DZIP3: variants seen among roughly 807,000 people sequenced by gnomAD.
DZIP3 encodes the protein E3 ubiquitin-protein ligase DZIP3.
In DZIP3, 118 loss-of-function variants were observed where a neutral mutation model predicts 162.0. The ratio of observed to expected loss-of-function variants is 0.73; its 90% CI spans 0.63 to 0.85. The LOEUF is 0.85. Ranked by LOEUF, DZIP3 falls within the 40% of genes least tolerant of loss-of-function variation. The pLI is 0.00. For synonymous variants in DZIP3, 438 were observed against 458.6 expected (o/e 0.96, Z 0.57); for missense variants, 1,331 against 1,407.0 (o/e 0.95, Z 0.86).
At chr3:108,672,899 G>C (rs549858337) in intron 23 of DZIP3, among the ~76,000 whole-genome samples, 211 of 152,034 alleles carry the variant, frequency 1.4e-3, no homozygotes, top group African/African-American at 4.8e-3. Flanking sequence ...AAATTGGTCT[G>C]TTACAGTATG....
chr3:108,592,558 G>A (rs1939483133), intron 1 of DZIP3, among the ~76,000 whole-genome samples: 1 of 151,786 alleles, frequency 6.6e-6, no homozygotes, highest in Non-Finnish European at 1.5e-5. Context: ...AGATGGGTGT[G>A]GGTGGTGCAT....
At chr3:108,637,383 T>G (rs1231967528) in intron 11 of DZIP3, 113 bp from the exon 12 acceptor site, 1 of 944,760 alleles carries the variant, frequency 1.1e-6, no homozygotes, top group Non-Finnish European at 1.6e-6. Context: ...TTGTTTTATA[T>G]TCACTGTGGC....
At chr3:108,649,562 C>G (rs1322895119) in intron 17 of DZIP3, among the ~76,000 whole-genome samples, 2 of 151,602 alleles carry the variant, frequency 1.3e-5, no homozygotes, top group Non-Finnish European at 3.0e-5. Context: ...TATAGCTAAC[C>G]ACCATGTTAT....
At chr3:108,652,114 CATCA>C (rs1423099405) in intron 18 of DZIP3, among the ~76,000 whole-genome samples, 3 of 151,506 alleles carry the variant, frequency 2.0e-5, no homozygotes, top group Non-Finnish European at 4.4e-5. Context: ...GAAACAATGT[CATCA>C]ATCACTTTGC....
intron 7 of DZIP3, among the ~76,000 whole-genome samples, chr3:108,627,980 G>T (rs1176129679): frequency 6.6e-6 from 1 of 152,126 alleles, no homozygotes; most frequent in Admixed American, 6.5e-5. Flanking sequence ...CCTGGTTCAA[G>T]GGATTCTCCT....
Position 108,648,964 on chromosome 3 carries a change from TA to T in DZIP3, c.2007+4del. On this transcript the variant is annotated splice_donor_region_variant and intron_variant, in intron 17 of 32. Coordinates refer to ENST00000361582, the MANE Select transcript of DZIP3 (RefSeq NM_014648.4). ...AAGAAGAAGACTAAGAATAAAAAGG[TA>T]AGAGACTATAATAGCATTATAATAC... The T allele has an allele frequency of 8.7e-7, 1 of 1,154,418 alleles. No homozygotes were observed. 71.5% of individuals were successfully genotyped at this position (1,154,418 alleles called of 1,614,324 possible).
At chr3:108,686,734 A>G (rs1440314942) in intron 28 of DZIP3, 150 bp downstream of exon 28, 1 of 935,598 alleles carries the variant, frequency 1.1e-6, no homozygotes, top group Non-Finnish European at 1.5e-6. Flanking sequence ...GGAAAAAGAA[A>G]TTTACCAAGA....
At chr3:108,641,506 T>C (rs1031497595) in intron 12 of DZIP3, among the ~76,000 whole-genome samples, 2 of 152,202 alleles carry the variant, frequency 1.3e-5, no homozygotes, top group African/African-American at 4.8e-5. Flanking sequence ...TGAACACTCT[T>C]GTACATGTCG....
intron 1 of DZIP3, among the ~76,000 whole-genome samples, chr3:108,601,942 C>A (rs1940042498): frequency 6.6e-6 from 1 of 152,120 alleles, no homozygotes; most frequent in Non-Finnish European, 1.5e-5. Flanking sequence ...TAGTTTTAGT[C>A]AGTCAGGGAG....
At position 108,684,406 on chromosome 3, in the gene DZIP3, AT is replaced by A. The variant is rs1185476474; in HGVS notation, c.3009+66del. 4.7e-5 allele frequency: 72 copies of A among 1,544,318 alleles called. No individual in the cohort carries two copies. The African/African-American group carries it at 8.8e-4, about 19-fold the overall frequency. The stretch of plus-strand genomic sequence containing the variant: ...TTTATTACTCTAGTGGGCTTCCTGA[AT>A]GAGTATCTTCATTTTGTTCATTCAT... On this transcript the variant is annotated intron_variant, in intron 27 of 32. Coordinates refer to ENST00000361582, the MANE Select transcript of DZIP3 (RefSeq NM_014648.4).
chr3:108,657,402 A>G (rs903913448), intron 19 of DZIP3, among the ~76,000 whole-genome samples: 1 of 152,206 alleles, frequency 6.6e-6, no homozygotes, highest in African/African-American at 2.4e-5. Context: ...TTCATAAGTA[A>G]AGGAGAAATA....
At chr3:108,643,519 A>T (rs992235036) in intron 13 of DZIP3, among the ~76,000 whole-genome samples, 1 of 151,332 alleles carries the variant, frequency 6.6e-6, no homozygotes. Context: ...TTTCAGGTGG[A>T]TGCTTGATGC....
intron 19 of DZIP3, among the ~76,000 whole-genome samples, chr3:108,657,440 A>G (rs1943185402): frequency 6.6e-6 from 1 of 152,212 alleles, no homozygotes; most frequent in South Asian, 2.1e-4. Context: ...GCAAATGCTG[A>G]GAGATTTTTG....
chr3:108,624,317 GATA>G (rs1449860321), intron 5 of DZIP3, 124 bp from the exon 6 acceptor site: 3 of 591,304 alleles, frequency 5.1e-6, no homozygotes, highest in African/African-American at 2.0e-5. Flanking sequence ...TTAGATGACT[GATA>G]ATGTTTTGAT....
intron 13 of DZIP3, among the ~76,000 whole-genome samples, chr3:108,643,026 C>A (rs1942468062): frequency 6.6e-6 from 1 of 152,120 alleles, no homozygotes; most frequent in Admixed American, 6.6e-5. Context: ...GGCAGTCCAG[C>A]CAACTTTTTA....
chr3:108,687,039 C>T (rs1258920153), intron 28 of DZIP3, among the ~76,000 whole-genome samples: 1 of 152,094 alleles, frequency 6.6e-6, no homozygotes, highest in Non-Finnish European at 1.5e-5. Context: ...TGCAAGAAAT[C>T]ATAACTTTAC....
chr3:108,654,336 GC>G, intron 19 of DZIP3, 26 bp downstream of exon 19: 1 of 1,611,636 alleles, frequency 6.2e-7, no homozygotes. Flanking sequence ...GAGGGTGCCT[GC>G]CTTCTCTTAT....
chr3:108,611,032 T>C, intron 3 of DZIP3, 142 bp from the exon 4 acceptor site: 1 of 706,036 alleles, frequency 1.4e-6, no homozygotes, highest in Non-Finnish European at 2.2e-6. Flanking sequence ...CTTCCTTAGA[T>C]TTTTTATAAT....
intron 1 of DZIP3, 192 bp downstream of exon 1, chr3:108,590,031 A>G (rs1212278594): frequency 6.6e-6 from 1 of 152,158 alleles, no homozygotes; most frequent in Non-Finnish European, 1.5e-5. Flanking sequence ...ATTCGAGAAG[A>G]CTACCTCCTG....
Sources: gnomAD v4.1 joint callset for allele counts (sites outside exome capture counted in the v4.1 genomes callset) on GRCh38, gnomAD v4.1.1 for gene constraint, MANE v1.5 for transcripts, NCBI Gene and HGNC (gene_info 2026-07-23, HGNC 2026-07-21) for gene names.